MKRN2OS: variants seen among roughly 807,000 people sequenced by gnomAD.
MKRN2OS encodes MKRN2 opposite strand protein.
A neutral mutation model predicts 18.2 loss-of-function variants in MKRN2OS; 17 were observed. The observed-to-expected ratio is 0.93, with a 90% CI of 0.64 to 1.40. MKRN2OS has a LOEUF of 1.40. MKRN2OS is among the 40% of genes most tolerant of loss of function. The pLI is 0.00. For synonymous variants in MKRN2OS, 121 were observed against 108.5 expected (o/e 1.12, Z -0.72); for missense variants, 337 against 283.0 (o/e 1.19, Z -1.37).
intron 1 of MKRN2OS, among the ~76,000 whole-genome samples, chr3:12,559,335 C>G (rs971708656): frequency 6.6e-6 from 1 of 152,144 alleles, no homozygotes; most frequent in African/African-American, 2.4e-5. Flanking sequence ...TAACAAAAGC[C>G]TTGTCTCTAG....
chr3:12,550,487 CATT>C (rs2057921765), upstream of MKRN2OS, among the ~76,000 whole-genome samples: 2 of 152,150 alleles, frequency 1.3e-5, no homozygotes, highest in African/African-American at 2.4e-5. Context: ...TGTAATATGT[CATT>C]ATACATTTGT....
chr3:12,551,804 C>T (rs974595056), downstream of MKRN2OS, among the ~76,000 whole-genome samples: 7 of 151,538 alleles, frequency 4.6e-5, no homozygotes, highest in East Asian at 5.9e-4. Flanking sequence ...ATTATCCTGG[C>T]GTGTTGGCAC....
At chr3:12,540,462 A>G (rs1275755103) in intron 3 of MKRN2OS, 29 bp from the exon 4 acceptor site, 12 of 1,535,732 alleles carry the variant, frequency 7.8e-6, no homozygotes, top group Non-Finnish European at 1.0e-5. Context: ...GGTGTTGAGA[A>G]GAAAAGGCTG....
At chr3:12,541,753 A>C in intron 3 of MKRN2OS, 107 bp downstream of exon 3, 2 of 1,185,962 alleles carry the variant, frequency 1.7e-6, no homozygotes, top group Non-Finnish European at 2.3e-6. Flanking sequence ...TATCGGCTCA[A>C]CATGAAGCTA....
At chr3:12,558,505 C>G (rs771494629) in intron 1 of MKRN2OS, among the ~76,000 whole-genome samples, 1 of 152,112 alleles carries the variant, frequency 6.6e-6, no homozygotes, top group African/African-American at 2.4e-5. Flanking sequence ...ATTCCCGTAC[C>G]TCATCTAAGA....
upstream of MKRN2OS, among the ~76,000 whole-genome samples, chr3:12,549,400 C>T (rs935911011): frequency 8.6e-5 from 13 of 151,656 alleles, no homozygotes; most frequent in Admixed American, 5.3e-4. Context: ...TGCACCACTG[C>T]ACCTGTCTAA....
upstream of MKRN2OS, among the ~76,000 whole-genome samples, chr3:12,550,416 G>A (rs1370274004): frequency 1.3e-5 from 2 of 152,218 alleles, no homozygotes; most frequent in South Asian, 2.1e-4. Context: ...AAGATCAGTG[G>A]TTGACGGAAG....
intron 1 of MKRN2OS, chr3:12,557,086 C>T: frequency 4.1e-6 from 6 of 1,476,910 alleles, no homozygotes; most frequent in Non-Finnish European, 5.4e-6. Context: ...GGGCCAGGGC[C>T]AAGGCCGAGG....
At chr3:12,543,987 A>G (rs374963885) in intron 1 of MKRN2OS, among the ~76,000 whole-genome samples, 3 of 152,098 alleles carry the variant, frequency 2.0e-5, no homozygotes, top group African/African-American at 4.8e-5. Context: ...GATAGGAATC[A>G]GGGGCTTTAT....
At chr3:12,560,478 T>TAA (rs10651248) in intron 1 of MKRN2OS, among the ~76,000 whole-genome samples, 41,284 of 124,702 alleles carry the variant, frequency 0.33, 8,581 homozygotes, top group African/African-American at 0.6. Context: ...TAGGAAAATG[T>TAA]AAAAAAAAAA....
chr3:12,550,988 A>T (rs1223620980), downstream of MKRN2OS, among the ~76,000 whole-genome samples: 4 of 152,198 alleles, frequency 2.6e-5, no homozygotes, highest in African/African-American at 7.2e-5. Flanking sequence ...TTACAGTATC[A>T]GTAATACAGG....
downstream of MKRN2OS, among the ~76,000 whole-genome samples, chr3:12,553,127 C>T (rs182005714): frequency 4.0e-4 from 61 of 151,404 alleles, 1 homozygote; most frequent in African/African-American, 8.3e-4. Flanking sequence ...CCATATTACA[C>T]AGACTTTTCC....
rs1559380130 is a variant in MKRN2OS at position 12,541,977 on chromosome 3, TCTC to T, written c.311_313del (p.Gly104del). 6.5e-7 allele frequency: 1 copy of T among 1,535,962 alleles called. No homozygotes were observed. Among genetic ancestry groups the T allele is most frequent in the South Asian group, 1.2e-5 (1 of 84,044 alleles). On this transcript the variant is annotated inframe_deletion, in exon 3 of 4. Coordinates refer to ENST00000564146, the MANE Select transcript of MKRN2OS (RefSeq NM_001195279.2). ...GATGCTTATGCTCTCTTCCCACCCT[TCTC>T]CGTCTCGCTGGACACCATGTGCACT...
chr3:12,555,904 G>A (rs957260266), intron 1 of MKRN2OS, among the ~76,000 whole-genome samples: 14 of 152,070 alleles, frequency 9.2e-5, no homozygotes, highest in Non-Finnish European at 1.9e-4. Context: ...GCAGAGGACT[G>A]CTTGAACTAT....
intron 1 of MKRN2OS, among the ~76,000 whole-genome samples, chr3:12,544,627 A>G (rs971984971): frequency 2.0e-5 from 3 of 151,768 alleles, no homozygotes; most frequent in African/African-American, 7.3e-5. Flanking sequence ...GGTTGCAGTA[A>G]GCTGAGACAC....
upstream of MKRN2OS, among the ~76,000 whole-genome samples, chr3:12,547,474 G>A (rs982618160): frequency 5.3e-5 from 8 of 152,266 alleles, no homozygotes; most frequent in African/African-American, 1.9e-4. Flanking sequence ...AGCCCATGAG[G>A]TCTTGGCTGC....
At chr3:12,549,915 A>G (rs144718166), upstream of MKRN2OS, among the ~76,000 whole-genome samples, 27 of 152,318 alleles carry the variant, frequency 1.8e-4, no homozygotes, top group African/African-American at 5.3e-4. Flanking sequence ...CTCACCTAGT[A>G]GAATGGCTAA....
chr3:12,543,892 CAAAAAAA>C (rs10539183), intron 1 of MKRN2OS, among the ~76,000 whole-genome samples: 5 of 127,214 alleles, frequency 3.9e-5, no homozygotes, highest in Admixed American at 2.4e-4. Flanking sequence ...ACCCTGGTCT[CAAAAAAA>C]AAAAAAAAAA....
chr3:12,546,047 C>G (rs1282528867), upstream of MKRN2OS, among the ~76,000 whole-genome samples: 1 of 152,086 alleles, frequency 6.6e-6, no homozygotes, highest in African/African-American at 2.4e-5. Flanking sequence ...CTTCCTCAGC[C>G]TCCCAAAGAG....
Sources: allele counts gnomAD v4.1 joint callset (sites outside exome capture counted in the v4.1 genomes callset), GRCh38; gene constraint gnomAD v4.1.1; transcripts MANE v1.5; gene names NCBI Gene and HGNC (gene_info 2026-07-23, HGNC 2026-07-21).